MME: variants seen among roughly 807,000 people sequenced by gnomAD.
MME encodes the protein neprilysin.
Under a neutral mutation model 113.2 loss-of-function variants are expected in MME, and 98 were observed. The ratio of observed to expected loss-of-function variants is 0.87; its 90% CI spans 0.74 to 1.02. The LOEUF (loss-of-function observed/expected upper bound fraction) is 1.02, where lower values mean the gene tolerates loss of function less well. Among genes scored for constraint, MME ranks in the 50% least tolerant of loss-of-function variants. The pLI, the probability that MME is intolerant of heterozygous loss-of-function variation, is 0.00. For missense variants in MME, 836 were observed against 896.0 expected (o/e 0.93, Z 0.86); for synonymous variants, 292 against 300.6 (o/e 0.97, Z 0.30).
chr3:155,026,789 C>A (rs1712801845), intron 1 of MME, among the ~76,000 whole-genome samples: 1 of 152,086 alleles, frequency 6.6e-6, no homozygotes, highest in African/African-American at 2.4e-5. Flanking sequence ...ATACCCTCAT[C>A]CAGCTATCCT....
intron 1 of MME, among the ~76,000 whole-genome samples, chr3:155,032,476 T>G (rs1471071381): frequency 6.6e-6 from 1 of 152,092 alleles, no homozygotes; most frequent in African/African-American, 2.4e-5. Flanking sequence ...CCAATGAAAC[T>G]CCTATCTTAA....
intron 1 of MME, among the ~76,000 whole-genome samples, chr3:155,065,979 G>C (rs1015146094): frequency 6.6e-6 from 1 of 152,208 alleles, no homozygotes; most frequent in African/African-American, 2.4e-5. Flanking sequence ...ATAGGACAGG[G>C]ATTTAATTAT....
Position 155,136,064 on chromosome 3 carries a change from G to T in MME, c.721-2038G>T, listed in dbSNP as rs183775520. Among the ~76,000 whole-genome samples the T allele has an allele frequency of 9.2e-5, 14 of 152,208 alleles. No individual in the cohort carries two copies. The East Asian group carries it at 2.5e-3, about 27-fold the overall frequency. ...TGGCAGAGTCTTCAGGATTTTCTAG[G>T]TATAGAATCATATCATTAGTGAAAA... On this transcript the variant is annotated intron_variant, in intron 8 of 22. Coordinates refer to ENST00000360490, the MANE Select transcript of MME (RefSeq NM_007289.4).
At chr3:155,036,028 G>T (rs1401298997) in intron 1 of MME, among the ~76,000 whole-genome samples, 2 of 152,122 alleles carry the variant, frequency 1.3e-5, no homozygotes. Context: ...GAGGTGATGA[G>T]AAGGGATCAT....
intron 10 of MME, among the ~76,000 whole-genome samples, chr3:155,141,597 T>G (rs568744030): frequency 1.3e-5 from 2 of 152,324 alleles, no homozygotes; most frequent in South Asian, 4.1e-4. Context: ...TGTGTTTGAA[T>G]GAATTGTTTA....
chr3:155,117,742 C>A (rs889035058), intron 7 of MME, among the ~76,000 whole-genome samples: 27 of 150,572 alleles, frequency 1.8e-4, no homozygotes, highest in African/African-American at 6.6e-4. Flanking sequence ...GAACCCAAAT[C>A]TCCTGCAGTG....
In MME at chr3:155,038,812, C is replaced by T. The variant is rs572187733; in HGVS notation, c.-11+14488C>T. 1.4e-4 allele frequency among the ~76,000 whole-genome samples: 22 copies of T among 152,238 alleles called. No homozygotes were observed. The South Asian group carries it at 4.6e-3, about 32-fold the overall frequency. ...ATTAAGTTGACAACTTTCCCCTTTT[C>T]ACTTAAAGGTAGCACTTTACGGCCT... On this transcript the variant is annotated intron_variant, in intron 1 of 22. Transcript: ENST00000492661.
At chr3:155,110,062 G>A (rs2108238612) in intron 3 of MME, among the ~76,000 whole-genome samples, 1 of 152,348 alleles carries the variant, frequency 6.6e-6, no homozygotes, top group African/African-American at 2.4e-5. Context: ...AATTGTTGGT[G>A]ATAAGTCCGA....
chr3:155,026,014 T>TA (rs1347036157), intron 1 of MME, among the ~76,000 whole-genome samples: 2 of 151,696 alleles, frequency 1.3e-5, no homozygotes, highest in African/African-American at 2.4e-5. Flanking sequence ...TTAATAATCC[T>TA]AAAAAAAAGC....
intron 22 of MME, 91 bp from the exon 23 acceptor site, chr3:155,180,269 T>C (rs953586421): frequency 2.2e-6 from 2 of 921,002 alleles, no homozygotes; most frequent in East Asian, 2.4e-5. Flanking sequence ...ATTCATTCAC[T>C]TGACCTGCAG....
chr3:155,178,317 A>G (rs1170284201), intron 22 of MME, among the ~76,000 whole-genome samples: 1 of 152,188 alleles, frequency 6.6e-6, no homozygotes, highest in Admixed American at 6.5e-5. Flanking sequence ...TAGAGAAGTT[A>G]GTTGATGCGT....
At chr3:155,124,680 G>T (rs1445979408) in intron 8 of MME, among the ~76,000 whole-genome samples, 3 of 151,660 alleles carry the variant, frequency 2.0e-5, no homozygotes, top group East Asian at 3.9e-4. Context: ...ACCCTGCCGT[G>T]TGAGGTGTCA....
chr3:155,163,071 A>G (rs1456400831), intron 17 of MME, among the ~76,000 whole-genome samples: 1 of 151,730 alleles, frequency 6.6e-6, no homozygotes, highest in Non-Finnish European at 1.5e-5. Flanking sequence ...AAATACACAC[A>G]TACCTACCTA....
intron 8 of MME, among the ~76,000 whole-genome samples, chr3:155,134,180 T>C (rs1267060030): frequency 6.6e-6 from 1 of 152,120 alleles, no homozygotes; most frequent in Non-Finnish European, 1.5e-5. Flanking sequence ...TGTGTAGTTT[T>C]GTTACATGGA....
At chr3:155,072,043 C>G (rs1303351731) in intron 1 of MME, among the ~76,000 whole-genome samples, 1 of 151,940 alleles carries the variant, frequency 6.6e-6, no homozygotes, top group African/African-American at 2.4e-5. Flanking sequence ...CGCCTGTAGT[C>G]CCAGCTACTG....
intron 9 of MME, 72 bp downstream of exon 9, chr3:155,138,308 C>A: frequency 6.7e-7 from 1 of 1,483,454 alleles, no homozygotes; most frequent in South Asian, 1.1e-5. Context: ...CTCTATCATA[C>A]TTTAAGAGTA....
chr3:155,158,426 A>T (rs762109673), intron 16 of MME: 2 of 152,128 alleles, frequency 1.3e-5, no homozygotes, highest in Non-Finnish European at 2.9e-5. Context: ...TGTCGAGGAC[A>T]CATCAGAATT....
intron 1 of MME, among the ~76,000 whole-genome samples, chr3:155,027,874 T>G (rs1712839112): frequency 6.6e-6 from 1 of 152,230 alleles, no homozygotes; most frequent in Admixed American, 6.5e-5. Context: ...AAAAGTTTGT[T>G]GACTGAATAA....
At chr3:155,024,242 T>C (rs1056895744) in exon 1 of MME, 1 of 152,184 alleles carries the variant, frequency 6.6e-6, no homozygotes, top group South Asian at 2.1e-4. Context: ...AGTGATGGAT[T>C]TGTGACTTGC....
Sources: allele counts gnomAD v4.1 joint callset (sites outside exome capture counted in the v4.1 genomes callset), GRCh38; gene constraint gnomAD v4.1.1; transcripts MANE v1.5; gene names NCBI Gene and HGNC (gene_info 2026-07-23, HGNC 2026-07-21).